The following CFAP44 variants were observed in gnomAD, a reference collection of about 807,000 sequenced individuals.
CFAP44 encodes cilia and flagella associated protein 44.
In CFAP44, 134 loss-of-function variants were observed where a neutral mutation model predicts 216.2. The ratio of observed to expected loss-of-function variants is 0.62; its 90% CI spans 0.54 to 0.72. CFAP44 has a LOEUF of 0.72. Ranked by LOEUF, CFAP44 falls within the 30% of genes least tolerant of loss-of-function variation. The probability of loss-of-function intolerance (pLI) is 0.00; values close to 1 mark genes in which losing one functional copy is unlikely to be tolerated. For synonymous variants in CFAP44, 700 were observed against 727.6 expected (o/e 0.96, Z 0.61); for missense variants, 2,035 against 2,182.1 (o/e 0.93, Z 1.34).
chr3:113,366,535 G>A (rs1372974994), intron 18 of CFAP44, among the ~76,000 whole-genome samples: 2 of 152,160 alleles, frequency 1.3e-5, no homozygotes, highest in African/African-American at 2.4e-5. Flanking sequence ...CATTAGGGTA[G>A]GTTCTAATCC....
intron 32 of CFAP44, among the ~76,000 whole-genome samples, chr3:113,302,692 C>A (rs1361016076): frequency 2.1e-5 from 3 of 140,164 alleles, no homozygotes; most frequent in Non-Finnish European, 3.0e-5. Context: ...GCCCAGGAGG[C>A]AGAGGTTGCA....
At chr3:113,351,073 C>A (rs1173122077) in intron 22 of CFAP44, among the ~76,000 whole-genome samples, 1 of 152,100 alleles carries the variant, frequency 6.6e-6, no homozygotes, top group Non-Finnish European at 1.5e-5. Context: ...AGGAAAATTG[C>A]CTAATAATGG....
chr3:113,426,400 T>A, intron 3 of CFAP44, 123 bp from the exon 4 acceptor site: 2 of 1,036,348 alleles, frequency 1.9e-6, no homozygotes, highest in Non-Finnish European at 2.8e-6. Flanking sequence ...TAGGAGGTAA[T>A]TGAATCACAG....
At position 113,287,687 on chromosome 3, in the gene CFAP44, C is replaced by G. The variant is rs1490927774; in HGVS notation, c.*3870G>C. 1 of 152,130 alleles carries G rather than the reference C, an allele frequency of 6.6e-6. No individual in the cohort carries two copies. Among genetic ancestry groups the G allele is most frequent in the Non-Finnish European group, 1.5e-5 (1 of 68,024 alleles). 9.4% of individuals were successfully genotyped at this position (152,130 alleles called of 1,614,324 possible). On this transcript the variant is annotated 3_prime_UTR_variant, in exon 35 of 35. Coordinates refer to ENST00000393845, the MANE Select transcript of CFAP44 (RefSeq NM_001164496.2). ...ACAAGGGAACCGTTGTACAACAGAC[C>G]AGGAAAAACAGGTTCATAGTTCTCT...
intron 24 of CFAP44, among the ~76,000 whole-genome samples, chr3:113,333,955 C>CTTT (rs577928589): frequency 7.1e-6 from 1 of 141,178 alleles, no homozygotes; most frequent in Non-Finnish European, 1.6e-5. Context: ...GTCAATTAAA[C>CTTT]TTTTTTTTTT....
chr3:113,376,445 A>G (rs1428751256), intron 17 of CFAP44, among the ~76,000 whole-genome samples: 4 of 152,228 alleles, frequency 2.6e-5, no homozygotes, highest in Non-Finnish European at 2.9e-5. Context: ...TACCTTAGCA[A>G]GAAAGAGGGG....
At chr3:113,337,748 AAAAC>A (rs1459768135) in intron 24 of CFAP44, among the ~76,000 whole-genome samples, 1 of 152,228 alleles carries the variant, frequency 6.6e-6, no homozygotes, top group African/African-American at 2.4e-5. Flanking sequence ...CCGTAAGAAA[AAAAC>A]AAACAAATCT....
intron 4 of CFAP44, among the ~76,000 whole-genome samples, chr3:113,425,387 A>T (rs112111777): frequency 7.0e-4 from 107 of 152,266 alleles, no homozygotes; most frequent in African/African-American, 2.5e-3. Context: ...TTTTCTAACT[A>T]CCCGCATTGC....
chr3:113,303,528 A>G (rs2107791863), intron 32 of CFAP44, among the ~76,000 whole-genome samples: 1 of 152,330 alleles, frequency 6.6e-6, no homozygotes. Context: ...ACACATCCAT[A>G]TGTATGTGTG....
chr3:113,373,489 T>C lies in CFAP44; in HGVS notation c.2366A>G (p.Lys789Arg). Reference protein sequence around the residue: ...FPPCDESSDFKEQKDEPIDVR... With the variant: ...FPPCDESSDFREQKDEPIDVR... ...ATCAATAGGTTCATCTTTTTGTTCTTTGAAATCACTGCTTTCATCACAAGG... is the reference window on the plus strand; with the variant it reads ...ATCAATAGGTTCATCTTTTTGTTCTCTGAAATCACTGCTTTCATCACAAGG... Residue 789 changes from lysine to arginine, a missense_variant, in exon 18 of 35, where the codon AAA (lysine) becomes AGA (arginine). By Grantham distance (26) the Lys-to-Arg change is conservative. Transcript: ENST00000393845. 1 of 1,609,410 alleles carries C rather than the reference T, an allele frequency of 6.2e-7. No individual in the cohort carries two copies. The highest frequency in any genetic ancestry group is 8.5e-7 in the Non-Finnish European group (1 of 1,177,416).
intron 22 of CFAP44, among the ~76,000 whole-genome samples, chr3:113,347,968 G>A (rs557908672): frequency 6.6e-6 from 1 of 152,122 alleles, no homozygotes; most frequent in Non-Finnish European, 1.5e-5. Flanking sequence ...AAGAGTGCAG[G>A]TTTTCAAGAA....
At chr3:113,344,745 AC>A (rs1329588530) in intron 22 of CFAP44, 33 bp from the exon 23 acceptor site, 1 of 1,462,038 alleles carries the variant, frequency 6.8e-7, no homozygotes, top group East Asian at 2.5e-5. Flanking sequence ...TGCAGTAGTC[AC>A]CATTTTGATC....
intron 8 of CFAP44, among the ~76,000 whole-genome samples, chr3:113,405,613 C>T (rs535373707): frequency 1.6e-3 from 239 of 152,312 alleles, no homozygotes; most frequent in African/African-American, 5.3e-3. Context: ...AAATTCTCCA[C>T]TTTTTGCCAA....
intron 34 of CFAP44, among the ~76,000 whole-genome samples, chr3:113,292,078 T>A (rs1236080123): frequency 2.0e-5 from 3 of 152,150 alleles, no homozygotes; most frequent in Non-Finnish European, 4.4e-5. Context: ...CATATTTGGG[T>A]TCCCAGAATG....
intron 13 of CFAP44, among the ~76,000 whole-genome samples, chr3:113,398,520 T>C (rs2107357438): frequency 6.6e-6 from 1 of 152,342 alleles, no homozygotes; most frequent in East Asian, 1.9e-4. Context: ...ATCATCTGAA[T>C]AAACAATTCA....
At chr3:113,327,092 T>C (rs1316148470) in intron 27 of CFAP44, among the ~76,000 whole-genome samples, 1 of 152,138 alleles carries the variant, frequency 6.6e-6, no homozygotes, top group Non-Finnish European at 1.5e-5. Flanking sequence ...TTTAATAGAA[T>C]CTTTCTTATT....
At chr3:113,300,263 G>A (rs1238416607) in intron 32 of CFAP44, among the ~76,000 whole-genome samples, 2 of 152,124 alleles carry the variant, frequency 1.3e-5, no homozygotes, top group Non-Finnish European at 2.9e-5. Flanking sequence ...TACAAAAACA[G>A]TTAGATAGAA....
rs1472816850 is a variant in CFAP44 at position 113,330,328 on chromosome 3, G to A, written c.3956C>T (p.Thr1319Ile). 8.5e-6 allele frequency: 13 copies of A among 1,537,050 alleles called. No homozygotes were observed. In the Admixed American group the frequency reaches 2.4e-4, roughly 28 times the overall value. The change falls in exon 26 of 35, where the codon ACC becomes ATC. Residue 1319 changes from threonine (T) to isoleucine (I), a missense_variant. Physicochemically the swap from Thr to Ile is moderately conservative, Grantham distance 89. This residue lies in a region of CFAP44 where 1,883 missense variants were observed against 2,023.7 expected (regional missense o/e 0.93). Transcript: ENST00000393845. ...LSSRKDGDLT[T>I]RDSISRSSKA... is the part of the protein sequence containing the mutation. ...TGATGATCTAGATATTGAATCACGGGTTGTCAAATCCCCATCCTTTCTAGA... is the reference window on the plus strand; with the variant it reads ...TGATGATCTAGATATTGAATCACGGATTGTCAAATCCCCATCCTTTCTAGA...
intron 28 of CFAP44, among the ~76,000 whole-genome samples, chr3:113,324,058 A>AAAAAAAAAAAAAAAAG (rs1553753480): frequency 2.6e-5 from 4 of 151,506 alleles, no homozygotes; most frequent in African/African-American, 9.7e-5. Context: ...AAAAAAAAAA[A>AAAAAAAAAAAAAAAAG]AGAGAGAAAT....
Sources: allele counts gnomAD v4.1 joint callset (sites outside exome capture counted in the v4.1 genomes callset), GRCh38; gene constraint gnomAD v4.1.1; regional missense constraint gnomAD v4.1.1; transcripts MANE v1.5; gene names NCBI Gene and HGNC (gene_info 2026-07-23, HGNC 2026-07-21).